ATP11A: variants seen among roughly 807,000 people sequenced by gnomAD.
The protein encoded by ATP11A is phospholipid-transporting ATPase IH.
Under a neutral mutation model 154.4 loss-of-function variants are expected in ATP11A, and 81 were observed. The observed-to-expected ratio is 0.52, with a 90% CI of 0.44 to 0.63. The LOEUF (loss-of-function observed/expected upper bound fraction) is 0.63, where lower values mean the gene tolerates loss of function less well. Ranked by LOEUF, ATP11A falls within the 30% of genes least tolerant of loss-of-function variation. The pLI, the probability that ATP11A is intolerant of heterozygous loss-of-function variation, is 0.00. For synonymous variants in ATP11A, 623 were observed against 585.9 expected (o/e 1.06, Z -0.91); for missense variants, 1,316 against 1,474.3 (o/e 0.89, Z 1.76).
At chr13:112,772,187 G>A (rs1158402934) in intron 1 of ATP11A, among the ~76,000 whole-genome samples, 2 of 152,228 alleles carry the variant, frequency 1.3e-5, no homozygotes, top group East Asian at 1.9e-4. Context: ...TTTCTAAGAC[G>A]GAGTTTATTA....
At chr13:112,790,639 G>A (rs763197064) in intron 2 of ATP11A, among the ~76,000 whole-genome samples, 1 of 150,946 alleles carries the variant, frequency 6.6e-6, no homozygotes, top group African/African-American at 2.4e-5. Flanking sequence ...AATCCACACC[G>A]GGTGTCCTGA....
intron 2 of ATP11A, among the ~76,000 whole-genome samples, chr13:112,797,453 A>T (rs2078031939): frequency 6.6e-6 from 1 of 152,140 alleles, no homozygotes; most frequent in Admixed American, 6.5e-5. Flanking sequence ...TAAATTTTTT[A>T]AAAAGGGTAC....
In ATP11A at chr13:112,758,757, G is replaced by A. The variant is rs955421425; in HGVS notation, c.40-26378G>A. On this transcript the variant is annotated intron_variant, in intron 1 of 29. Coordinates refer to ENST00000375645, the MANE Select transcript of ATP11A (RefSeq NM_015205.3). ...TAAATCTATCTTGCTAGCTCCTCTC[G>A]CACTTGAAATCAAATACTCCAGCAA... Among the ~76,000 whole-genome samples the A allele has an allele frequency of 5.9e-5, 9 of 152,174 alleles. No homozygotes were observed. In the South Asian group the frequency reaches 6.2e-4, roughly 11 times the overall value.
rs948145444 is a variant in ATP11A at position 112,859,748 on chromosome 13, G to A, written c.2727+296G>A. On this transcript the variant is annotated intron_variant, in intron 23 of 29. Coordinates refer to ENST00000375645, the MANE Select transcript of ATP11A (RefSeq NM_015205.3). This position sits in a 1 kb window ranked among gnomAD's most constrained non-coding sequence, Gnocchi z 4.3. ...TCAGGGCCCAGCAGTGCTGGGCTGG[G>A]CATCCTGATGCCACTGCAAGAATTA... Among the ~76,000 whole-genome samples the A allele has an allele frequency of 1.3e-5, 2 of 152,254 alleles. No homozygotes were observed. Among genetic ancestry groups the A allele is most frequent in the Non-Finnish European group, 2.9e-5 (2 of 68,050 alleles).
intron 29 of ATP11A, chr13:112,881,452 C>A (rs372405433): frequency 1.9e-6 from 2 of 1,071,078 alleles, no homozygotes; most frequent in East Asian, 8.0e-5. Flanking sequence ...ACCGGTATGG[C>A]GTTCGAGCTC....
intron 1 of ATP11A, among the ~76,000 whole-genome samples, chr13:112,769,272 C>T (rs1194331597): frequency 6.6e-6 from 1 of 152,240 alleles, no homozygotes. Flanking sequence ...CCTCCCGGCC[C>T]CACGGCGTGC....
chr13:112,701,789 C>T (rs1389052648), intron 1 of ATP11A, among the ~76,000 whole-genome samples: 2 of 152,026 alleles, frequency 1.3e-5, no homozygotes, highest in African/African-American at 4.8e-5. Flanking sequence ...GAGGAGATCG[C>T]GCCACTGCAC....
intron 1 of ATP11A, among the ~76,000 whole-genome samples, chr13:112,777,257 A>C (rs1455775881): frequency 6.6e-6 from 1 of 152,162 alleles, no homozygotes; most frequent in African/African-American, 2.4e-5. Context: ...CCAAATGTCA[A>C]AACTATCTTT....
At chr13:112,843,023 G>A (rs900729394) in intron 17 of ATP11A, among the ~76,000 whole-genome samples, 1 of 152,218 alleles carries the variant, frequency 6.6e-6, no homozygotes, top group African/African-American at 2.4e-5. Context: ...GGCTGGGGTG[G>A]ACACGCTCCC....
chr13:112,742,588 T>TA (rs747490098), intron 1 of ATP11A, among the ~76,000 whole-genome samples: 6 of 152,214 alleles, frequency 3.9e-5, no homozygotes, highest in African/African-American at 1.4e-4. Context: ...TGATGCCACT[T>TA]ACGATAATTC....
At chr13:112,707,093 A>G (rs1425890481) in intron 1 of ATP11A, among the ~76,000 whole-genome samples, 1 of 152,208 alleles carries the variant, frequency 6.6e-6, no homozygotes, top group Non-Finnish European at 1.5e-5. Context: ...GGGAACCACT[A>G]AACGAGCATA....
At chr13:112,774,179 T>G (rs1249477944) in intron 1 of ATP11A, among the ~76,000 whole-genome samples, 1 of 152,238 alleles carries the variant, frequency 6.6e-6, no homozygotes, top group Non-Finnish European at 1.5e-5. Context: ...TTTACTCATT[T>G]TTTAACAGAA....
chr13:112,789,743 C>A (rs552373422), intron 2 of ATP11A, among the ~76,000 whole-genome samples: 1 of 151,078 alleles, frequency 6.6e-6, no homozygotes, highest in South Asian at 2.1e-4. Context: ...GATGTGTAGA[C>A]CCCTGTGGAG....
rs79761235 is a variant in ATP11A at position 112,823,672 on chromosome 13, G to A, written c.790+263G>A. 7.4e-4 allele frequency among the ~76,000 whole-genome samples: 112 copies of A among 152,370 alleles called. 2 individuals carry two copies. The East Asian group carries it at 0.015, about 21-fold the overall frequency. The stretch of plus-strand genomic sequence containing the variant: ...GAACATTGCATCCGTGAAGGAATTT[G>A]TGAAGTTTAGTTGTGCAGGAAATGT... On this transcript the variant is annotated intron_variant, in intron 9 of 29. Transcript: ENST00000375645.
rs1054844074 is a variant in ATP11A, at chr13:112,697,204, G to A, written c.39+6749G>A. 6.6e-6 allele frequency among the ~76,000 whole-genome samples: 1 copy of A among 152,124 alleles called. No homozygotes were observed. Among genetic ancestry groups the A allele is most frequent in the Non-Finnish European group, 1.5e-5 (1 of 68,014 alleles). ...CGCCCCTCGGTGGGCTCCGGTGCTG[G>A]CCTCTGCCTTCCCCAGGGCCACGGT... On this transcript the variant is annotated intron_variant, in intron 1 of 29. Transcript: ENST00000375645. The surrounding 1 kb of genome is among the most constrained non-coding windows in gnomAD (Gnocchi z 4.0).
chr13:112,708,269 C>G (rs776748584), intron 1 of ATP11A, among the ~76,000 whole-genome samples: 1 of 152,074 alleles, frequency 6.6e-6, no homozygotes, highest in Admixed American at 6.6e-5. Flanking sequence ...ACTTATTTCT[C>G]GTTGGCAAAA....
chr13:112,846,354 G>A (rs770212888), intron 17 of ATP11A, among the ~76,000 whole-genome samples: 2 of 152,020 alleles, frequency 1.3e-5, no homozygotes, highest in Admixed American at 6.6e-5. Flanking sequence ...CTTTAGAGAC[G>A]GTTTCTGTTG....
chr13:112,857,718 C>T, intron 20 of ATP11A, 100 bp from the exon 21 acceptor site: 1 of 968,848 alleles, frequency 1.0e-6, no homozygotes, highest in Non-Finnish European at 1.6e-6. Context: ...TTTTATTTGC[C>T]TAGGCTAACT....
At position 112,860,396 on chromosome 13, in the gene ATP11A, G is replaced by A. The variant is rs2080067206; in HGVS notation, c.2837G>A (p.Arg946Lys). 2 of 1,614,034 alleles carry A rather than the reference G, an allele frequency of 1.2e-6. No homozygotes were observed. The highest frequency in any genetic ancestry group is 2.2e-5 in the East Asian group (1 of 44,894). The change falls in exon 24 of 30, where the codon AGA becomes AAA. Residue 946 changes from arginine to lysine, a missense_variant. By Grantham distance (26) the Arg-to-Lys change is conservative (BLOSUM62 2). Around this residue, in one of 5 missense-constraint regions of ATP11A, gnomAD observed 294 missense variants for 290.2 expected, o/e 1.01. Transcript: ENST00000375645. ...CATGTTGGCATTGACGTGCTCAAGAGAGACCCGACCCTGTACAGGTACCAT... is the reference window on the plus strand; with the variant it reads ...CATGTTGGCATTGACGTGCTCAAGAAAGACCCGACCCTGTACAGGTACCAT... Reference protein sequence around the residue: ...EQHVGIDVLKRDPTLYRDVAK... With the variant: ...EQHVGIDVLKKDPTLYRDVAK...
Sources: gnomAD v4.1 joint callset for allele counts (sites outside exome capture counted in the v4.1 genomes callset) on GRCh38, gnomAD v4.1.1 for gene constraint, gnomAD v4.1.1 regional missense constraint, Gnocchi (gnomAD v3.1) non-coding constraint, MANE v1.5 for transcripts, NCBI Gene and HGNC (gene_info 2026-07-23, HGNC 2026-07-21) for gene names.